CRYBG2: variants seen among roughly 807,000 people sequenced by gnomAD.
The protein encoded by CRYBG2 is crystallin beta-gamma domain containing 2.
A neutral mutation model predicts 153.4 loss-of-function variants in CRYBG2; 106 were observed. The observed-to-expected ratio is 0.69, with a 90% CI of 0.59 to 0.81. The LOEUF is 0.81. Among genes scored for constraint, CRYBG2 ranks in the 30% least tolerant of loss-of-function variants. The probability of loss-of-function intolerance (pLI) is 0.00; values close to 1 mark genes in which losing one functional copy is unlikely to be tolerated. For missense variants in CRYBG2, 1,996 were observed against 2,112.0 expected (o/e 0.95, Z 1.08); for synonymous variants, 851 against 877.8 (o/e 0.97, Z 0.54).
chr1:26,329,878 T>G (rs1403336752), intron 15 of CRYBG2, among the ~76,000 whole-genome samples: 1 of 152,216 alleles, frequency 6.6e-6, no homozygotes, highest in Non-Finnish European at 1.5e-5. Context: ...CCCAAGTAGC[T>G]GGGATTACAG....
rs575148623 is a variant in CRYBG2 at position 26,336,071 on chromosome 1, C to T, written c.4184+24G>A. 28 of 1,436,098 alleles carry T rather than the reference C, an allele frequency of 1.9e-5. No individual in the cohort carries two copies. In the East Asian group the frequency reaches 4.8e-4, roughly 25 times the overall value. The allele number at this position is 1,436,098 out of a possible 1,614,324, so 89.0% of individuals were successfully genotyped here. A position where few individuals can be genotyped will look rare whatever the true frequency, so the allele number is the denominator to read the frequency against. On this transcript the variant is annotated intron_variant, in intron 14 of 19. Transcript: ENST00000308182. The surrounding 1 kb of genome is among the most constrained non-coding windows in gnomAD (Gnocchi z 4.9). ...CCCGCCTCTGCCCCAGCGCCCCCAG[C>T]CCTCCGCCCCTCCACGTTCTCACCT...
intron 15 of CRYBG2, among the ~76,000 whole-genome samples, chr1:26,330,905 T>A (rs2073990327): frequency 6.6e-6 from 1 of 152,180 alleles, no homozygotes; most frequent in Non-Finnish European, 1.5e-5. Context: ...CTGTTCTGAC[T>A]GGGTACTGCC....
In CRYBG2 at chr1:26,344,177, C is replaced by T. The variant is rs1179610965; in HGVS notation, c.2481G>A (p.Glu827=). 9 of 1,535,080 alleles carry T rather than the reference C, an allele frequency of 5.9e-6. No homozygotes were observed. The highest frequency in any genetic ancestry group is 7.9e-6 in the Non-Finnish European group (9 of 1,146,340). ...PQEVPSLEEK[E]EEEEEEPENP... Reference sequence around the variant, plus strand: ...TCTCTGGTTCCTCCTCCTCCTCCTCCTCTTTCTCTTCCAGTGAAGGCACCT... The same window carrying T: ...TCTCTGGTTCCTCCTCCTCCTCCTCTTCTTTCTCTTCCAGTGAAGGCACCT... The change falls in exon 2 of 20, where the codon GAG becomes GAA. Residue 827 remains glutamate (E), a synonymous_variant. Transcript: ENST00000308182.
intron 1 of CRYBG2, among the ~76,000 whole-genome samples, chr1:26,349,266 CTG>C (rs1278965251): frequency 2.0e-5 from 3 of 152,192 alleles, no homozygotes; most frequent in Non-Finnish European, 4.4e-5. Context: ...ATTCTGTCCT[CTG>C]TGATTTTTTC....
At position 26,339,363 on chromosome 1, in the gene CRYBG2, T is replaced by C. The variant is rs761255024; in HGVS notation, c.3271A>G (p.Thr1091Ala). Reference sequence around the variant, plus strand: ...CCCTGGGAATTCTTCAAGGCCTCTGTTAGCTTCACTTGCTCCCCCTTGAGG... The same window carrying C: ...CCCTGGGAATTCTTCAAGGCCTCTGCTAGCTTCACTTGCTCCCCCTTGAGG... ...EGLKGEQVKL[T>A]EALKNSQGLE... Residue 1091 changes from threonine (T) to alanine (A), a missense_variant, in exon 6 of 20, where the codon ACA becomes GCA. Thr to Ala is a moderately conservative substitution (Grantham distance 58, BLOSUM62 0). Transcript: ENST00000308182. 5 of 1,614,198 alleles carry C rather than the reference T, an allele frequency of 3.1e-6. No individual in the cohort carries two copies. Among genetic ancestry groups the C allele is most frequent in the Non-Finnish European group, 3.4e-6 (4 of 1,180,034 alleles).
At chr1:26,339,677 G>A (rs966656665) in intron 5 of CRYBG2, among the ~76,000 whole-genome samples, 7 of 151,926 alleles carry the variant, frequency 4.6e-5, no homozygotes, top group African/African-American at 1.2e-4. Context: ...CAGAGGTTGC[G>A]GTGAGCCGAG....
Position 26,328,193 on chromosome 1 carries a change from C to A in CRYBG2, c.4578+16G>T. ...GCTCAGCCCCAGACACGCTCAGCTC[C>A]AGCCACGCTACCCACCTGCTTGATG... On this transcript the variant is annotated intron_variant, in intron 17 of 19. Transcript: ENST00000308182. The A allele has an allele frequency of 6.4e-7, 1 of 1,559,214 alleles. No individual in the cohort carries two copies.
intron 16 of CRYBG2, 127 bp downstream of exon 16, chr1:26,328,607 C>A: frequency 1.4e-6 from 2 of 1,394,022 alleles, no homozygotes; most frequent in Non-Finnish European, 1.9e-6. Context: ...CTCCCTCCTT[C>A]CTGGCTTGGA....
chr1:26,342,668 G>T, intron 5 of CRYBG2, 86 bp downstream of exon 5: 1 of 1,545,042 alleles, frequency 6.5e-7, no homozygotes, highest in Non-Finnish European at 8.7e-7. Context: ...CAAAGTGCTG[G>T]CATTACAGGC....
Position 26,345,620 on chromosome 1 carries a change from C to T in CRYBG2, c.1038G>A (p.Gln346=). ...SSTELPLQTS[Q]GQASVPSSPR... is the part of the protein sequence containing the mutation. ...GAGAGGAGGGGACTGATGCTTGACCCTGAGAAGTCTGGAGAGGGAGCTCAG... is the reference window on the plus strand; with the variant it reads ...GAGAGGAGGGGACTGATGCTTGACCTTGAGAAGTCTGGAGAGGGAGCTCAG... The change falls in exon 2 of 20, where the codon CAG becomes CAA. Residue 346 remains glutamine (Q), a synonymous_variant. Transcript: ENST00000308182. 1 of 1,599,650 alleles carries T rather than the reference C, an allele frequency of 6.3e-7. No individual in the cohort carries two copies. Among genetic ancestry groups the T allele is most frequent in the Non-Finnish European group, 8.5e-7 (1 of 1,179,792 alleles).
intron 15 of CRYBG2, among the ~76,000 whole-genome samples, chr1:26,330,852 T>C (rs1224909601): frequency 6.6e-6 from 1 of 152,156 alleles, no homozygotes; most frequent in Non-Finnish European, 1.5e-5. Context: ...GGAAAGCCTT[T>C]TAAACACCAC....
Position 26,344,374 on chromosome 1 carries a change from C to G in CRYBG2, c.2284G>C (p.Ala762Pro), listed in dbSNP as rs1345813878. The G allele has an allele frequency of 6.6e-6, 10 of 1,511,684 alleles. No individual in the cohort carries two copies. Among genetic ancestry groups the G allele is most frequent in the Non-Finnish European group, 8.9e-6 (10 of 1,127,012 alleles). 93.6% of individuals were successfully genotyped at this position (1,511,684 alleles called of 1,614,324 possible). ...GTATCCAGGAATATCTCCAGGTCAG[C>G]GGCCAGGGCCACCTCATCCTCCTCC... Reference protein sequence around the residue: ...SREEDEVALAADLEIFLDTLR... With the variant: ...SREEDEVALAPDLEIFLDTLR... The change falls in exon 2 of 20, where the codon GCT becomes CCT. Residue 762 changes from alanine to proline, a missense_variant. Transcript: ENST00000308182.
At chr1:26,341,227 G>C (rs992802964) in intron 5 of CRYBG2, among the ~76,000 whole-genome samples, 3 of 151,650 alleles carry the variant, frequency 2.0e-5, no homozygotes, top group Non-Finnish European at 4.4e-5. Context: ...TGTGGTCCCA[G>C]CTACTTGGGA....
At position 26,344,718 on chromosome 1, in the gene CRYBG2, G is replaced by T; in HGVS notation, c.1940C>A (p.Ala647Asp). 6.5e-7 allele frequency: 1 copy of T among 1,534,572 alleles called. No homozygotes were observed. Among genetic ancestry groups the T allele is most frequent in the Non-Finnish European group, 8.7e-7 (1 of 1,145,908 alleles). Residue 647 changes from alanine (A) to aspartate (D), a missense_variant, in exon 2 of 20, where the codon GCT becomes GAT. Physicochemically the swap from Ala to Asp is moderately radical, Grantham distance 126. Coordinates refer to ENST00000308182, the MANE Select transcript of CRYBG2 (RefSeq NM_001039775.4). ...PKGSSSIQKEAVQGIAGSLAP... is the reference protein window; with the variant it reads ...PKGSSSIQKEDVQGIAGSLAP... ...AAGGCTGCCTGCAATACCCTGGACA[G>T]CCTCTTTTTGGATGCTACTGCTGCC...
chr1:26,337,970 G>A (rs767550140), intron 8 of CRYBG2, 42 bp downstream of exon 8: 51 of 1,604,576 alleles, frequency 3.2e-5, no homozygotes, highest in Non-Finnish European at 4.0e-5. Flanking sequence ...CCTGCACCCC[G>A]CCACCAAAGG....
chr1:26,346,361 C>A lies in CRYBG2; in HGVS notation c.297G>T (p.Lys99Asn), dbSNP rs2074220869. ...NFQSHGPIFS[K>N]KYIPPPKEKR... ...TCTCCTTGGGAGGTGGTATGTACTTCTTGGAAAAGATGGGTCCATGGCTCT... is the reference window on the plus strand; with the variant it reads ...TCTCCTTGGGAGGTGGTATGTACTTATTGGAAAAGATGGGTCCATGGCTCT... Residue 99 changes from lysine (K) to asparagine (N), a missense_variant, in exon 2 of 20, where the codon AAG (lysine) becomes AAT (asparagine). Physicochemically the swap from Lys to Asn is moderately conservative, Grantham distance 94 (BLOSUM62 0). Coordinates refer to ENST00000308182, the MANE Select transcript of CRYBG2 (RefSeq NM_001039775.4). This position sits in a 1 kb window ranked among gnomAD's most constrained non-coding sequence, Gnocchi z 4.9. The A allele has an allele frequency of 6.3e-7, 1 of 1,599,310 alleles. No homozygotes were observed. Among genetic ancestry groups the A allele is most frequent in the African/African-American group, 1.3e-5 (1 of 74,902 alleles).
At chr1:26,332,711 G>A (rs2074011379) in intron 14 of CRYBG2, among the ~76,000 whole-genome samples, 1 of 151,806 alleles carries the variant, frequency 6.6e-6, no homozygotes, top group Non-Finnish European at 1.5e-5. Context: ...TCACCGTGTT[G>A]GCCAGGCTGG....
intron 5 of CRYBG2, among the ~76,000 whole-genome samples, chr1:26,341,424 C>T (rs1322331416): frequency 6.6e-6 from 1 of 152,120 alleles, no homozygotes; most frequent in African/African-American, 2.4e-5. Context: ...TCTTCCTTCT[C>T]GTGTCAAGCT....
chr1:26,354,056 GGGACCCAGGTGTCCAGCCAGCCT>G lies in CRYBG2; in HGVS notation c.-99_-77del, dbSNP rs1360029128. The G allele has an allele frequency of 3.3e-5, 13 of 399,436 alleles. No homozygotes were observed. In the Admixed American group the frequency reaches 5.3e-4, roughly 16 times the overall value. 24.7% of individuals were successfully genotyped at this position (399,436 alleles called of 1,614,324 possible). ...CCGACCTCTACTCACAGTCTGCGTG[GGGACCCAGGTGTCCAGCCAGCCT>G]GGAGCTCCTGCTGCTGGGCCGTGCT... On this transcript the variant is annotated 5_prime_UTR_variant, in exon 1 of 20. Transcript: ENST00000308182.
Sources: gnomAD v4.1 joint callset for allele counts (sites outside exome capture counted in the v4.1 genomes callset) on GRCh38, gnomAD v4.1.1 for gene constraint, Gnocchi (gnomAD v3.1) non-coding constraint, MANE v1.5 for transcripts, NCBI Gene and HGNC (gene_info 2026-07-23, HGNC 2026-07-21) for gene names.